The following FHOD1 variants were observed in gnomAD, a reference collection of about 807,000 sequenced individuals.
FHOD1 encodes FH1/FH2 domain-containing protein 1.
In FHOD1, 89 loss-of-function variants were observed where a neutral mutation model predicts 111.6. That is an observed-to-expected ratio of 0.80 (90% confidence interval 0.67 to 0.95). The LOEUF (loss-of-function observed/expected upper bound fraction) is 0.95, where lower values mean the gene tolerates loss of function less well. FHOD1 is among the 40% of genes least tolerant of loss of function. FHOD1 has a pLI of 0.00. For synonymous variants in FHOD1, 618 were observed against 639.0 expected, an observed-to-expected ratio of 0.97 and a Z score of 0.50; for missense variants, 1,446 against 1,554.2, an observed-to-expected ratio of 0.93 and a Z score of 1.17.
chr16:67,242,232 G>T (rs2034687432), intron 1 of FHOD1, among the ~76,000 whole-genome samples: 1 of 152,202 alleles, frequency 6.6e-6, no homozygotes, highest in African/African-American at 2.4e-5. Context: ...GCCTCTCAAA[G>T]TGCTGGGATT....
At position 67,229,647 on chromosome 16, in the gene FHOD1, G is replaced by T. The variant is rs1722477872; in HGVS notation, c.3484C>A (p.Leu1162Met). 3 of 1,614,108 alleles carry T rather than the reference G, an allele frequency of 1.9e-6. No homozygotes were observed. Among genetic ancestry groups the T allele is most frequent in the Non-Finnish European group, 2.5e-6 (3 of 1,179,958 alleles). Residue 1162 changes from leucine (L) to methionine (M), a missense_variant, in exon 22 of 22, where the codon CTG becomes ATG. Transcript: ENST00000258201. ...QALGLSKGPG[L>M]EV The stretch of plus-strand genomic sequence containing the variant: ...GGGATACAGCACCTTCACACCTCCA[G>T]GCCAGGACCCTTGCTTAGTCCCAGT...
At chr16:67,240,191 G>A (rs995625158) in intron 1 of FHOD1, among the ~76,000 whole-genome samples, 2 of 152,092 alleles carry the variant, frequency 1.3e-5, no homozygotes, top group African/African-American at 4.8e-5. Context: ...CAGTTACAAT[G>A]GTCCTAGCTG....
rs755811201 is a variant in FHOD1 at position 67,234,022 on chromosome 16, C to G, written c.1681G>C (p.Glu561Gln). 2.5e-6 allele frequency: 4 copies of G among 1,613,598 alleles called. No individual in the cohort carries two copies. The highest frequency in any genetic ancestry group is 1.3e-5 in the African/African-American group (1 of 74,880). Residue 561 changes from glutamate to glutamine, a missense_variant, in exon 13 of 22, where the codon GAG becomes CAG. By Grantham distance (29) the Glu-to-Gln change is conservative. This residue lies in a region of FHOD1 where 1,085 missense variants were observed against 1,108.8 expected (regional missense o/e 0.98). Transcript: ENST00000258201. ...ATGTCTTTCCCAGCCTCCACAGACTCTACATTCAGCATGTCCTGGTCTTCA... is the reference window on the plus strand; with the variant it reads ...ATGTCTTTCCCAGCCTCCACAGACTGTACATTCAGCATGTCCTGGTCTTCA... ...EDEDQDMLNV[E>Q]SVEAGKDIPA... is the part of the protein sequence containing the mutation.
At chr16:67,244,157 G>A (rs1282524155) in intron 1 of FHOD1, among the ~76,000 whole-genome samples, 1 of 152,102 alleles carries the variant, frequency 6.6e-6, no homozygotes, top group East Asian at 1.9e-4. Context: ...AGGAGGAGAG[G>A]GCTTTCCTGG....
Position 67,247,245 on chromosome 16 carries a change from G to C in FHOD1, c.166C>G (p.Pro56Ala). ...DGALPLGAQI[P>A]AVHRLLGAPL... ...GCTCCCAGCAGGCGGTGCACCGCGGGTATCTGCGCGCCCAAGGGCAGCGCC... is the reference window on the plus strand; with the variant it reads ...GCTCCCAGCAGGCGGTGCACCGCGGCTATCTGCGCGCCCAAGGGCAGCGCC... Residue 56 changes from proline to alanine, a missense_variant, in exon 1 of 22, where the codon CCC becomes GCC. By Grantham distance (27) the Pro-to-Ala change is conservative. Coordinates refer to ENST00000258201, the MANE Select transcript of FHOD1 (RefSeq NM_013241.3). 1.2e-5 allele frequency: 19 copies of C among 1,606,320 alleles called. No individual in the cohort carries two copies. The highest frequency in any genetic ancestry group is 1.5e-5 in the Non-Finnish European group (18 of 1,177,194).
intron 11 of FHOD1, 165 bp from the exon 12 acceptor site, chr16:67,234,637 C>T: frequency 1.7e-6 from 1 of 594,786 alleles, no homozygotes; most frequent in Admixed American, 2.7e-5. Flanking sequence ...CAAGGCCAGC[C>T]CCTCTTCAGT....
In FHOD1 at chr16:67,238,227, G is replaced by T. The variant is rs1423944782; in HGVS notation, c.522C>A (p.His174Gln). Residue 174 changes from histidine (H) to glutamine (Q), a missense_variant, in exon 5 of 22, where the codon CAC becomes CAA. This residue lies in a region of FHOD1 where 234 missense variants were observed against 327.4 expected (regional missense o/e 0.71). Transcript: ENST00000258201. This position sits in a 1 kb window ranked among gnomAD's most constrained non-coding sequence, Gnocchi z 4.2. ...CTCTAAGGATGTAGCTCTGGTAGTT[G>T]TGGTCGGCAGCAGCACCCACACGGA... ...CLIRVGAAADHNYQSYILRAL... is the reference protein window; with the variant it reads ...CLIRVGAAADQNYQSYILRAL... The T allele has an allele frequency of 6.2e-7, 1 of 1,614,196 alleles. No homozygotes were observed.
rs377199978 is a variant in FHOD1, at chr16:67,242,265, G to A, written c.202-2811C>T. ...ATTGTAGGTGTGAGCCACTGTGCCC[G>A]GCCAATGGTCCACATTCTCTAGCCT... On this transcript the variant is annotated intron_variant, in intron 1 of 21. Transcript: ENST00000258201. Among the ~76,000 whole-genome samples, 382 of 152,236 alleles carry A rather than the reference G, an allele frequency of 2.5e-3. 1 individual carries two copies. Among genetic ancestry groups the A allele is most frequent in the African/African-American group, 8.8e-3 (365 of 41,540 alleles).
rs868071545 is a variant in FHOD1, at chr16:67,239,433, C to T, written c.223G>A (p.Val75Met). ...PLKLEDCALQVSPSGYYLDTE... is the reference protein window; with the variant it reads ...PLKLEDCALQMSPSGYYLDTE... ...TCCAGGTAGTATCCGGAGGGAGACA[C>T]TTGCAGAGCACAATCCTCCAACTGG... The change falls in exon 2 of 22, where the codon GTG becomes ATG. Residue 75 changes from valine to methionine, a missense_variant. Around this residue, in one of 3 missense-constraint regions of FHOD1, gnomAD observed 127 missense variants for 118.0 expected, o/e 1.08. Coordinates refer to ENST00000258201, the MANE Select transcript of FHOD1 (RefSeq NM_013241.3). 1.2e-6 allele frequency: 2 copies of T among 1,614,124 alleles called. No homozygotes were observed. The highest frequency in any genetic ancestry group is 3.3e-4 in the Middle Eastern group (2 of 6,062).
At position 67,233,686 on chromosome 16, in the gene FHOD1, A is replaced by T; in HGVS notation, c.2017T>A (p.Ser673Thr). Residue 673 changes from serine to threonine, a missense_variant, in exon 13 of 22, where the codon TCT becomes ACT. Transcript: ENST00000258201. Reference protein sequence around the residue: ...DTARLEHLFESRAKEVLPSKK... With the variant: ...DTARLEHLFETRAKEVLPSKK... ...GAGGGCAGCACCTCTTTGGCACGAG[A>T]CTCAAAGAGGTGTTCCAGTCGGGCC... The T allele has an allele frequency of 1.2e-6, 2 of 1,602,106 alleles. No individual in the cohort carries two copies. The highest frequency in any genetic ancestry group is 1.7e-6 in the Non-Finnish European group (2 of 1,170,782).
rs781091631 is a variant in FHOD1, at chr16:67,233,951, G to C, written c.1752C>G (p.Pro584=). 9.6e-5 allele frequency: 153 copies of C among 1,597,332 alleles called. 1 individual carries two copies. The East Asian group carries it at 3.3e-3, about 34-fold the overall frequency. ...GTGGGGGAGGTGGAAGTGGGGGAGG[G>C]GGGGGTACTCCCGAGAGCAGGGGCA... ...PPLPLLSGVP[P]PPPLPPPPPI... is the part of the protein sequence containing the mutation. Residue 584 remains proline (P), a synonymous_variant, in exon 13 of 22, where the codon CCC becomes CCG. Transcript: ENST00000258201.
chr16:67,241,114 A>ACC (rs1186229148), intron 1 of FHOD1, among the ~76,000 whole-genome samples: 1,810 of 83,010 alleles, frequency 0.022, 58 homozygotes, highest in African/African-American at 0.053. Context: ...CCCTTGGATG[A>ACC]CCCCCCCCCC....
Position 67,238,585 on chromosome 16 carries a change from C to G in FHOD1, c.374-138G>C. On this transcript the variant is annotated intron_variant, in intron 3 of 21. Coordinates refer to ENST00000258201, the MANE Select transcript of FHOD1 (RefSeq NM_013241.3). This position sits in a 1 kb window ranked among gnomAD's most constrained non-coding sequence, Gnocchi z 4.2. ...TGAGAGACAGGGTCTCACTCTGTCA[C>G]TCAGGCTGGAGTGTGGAGTGCAGTG... 1.1e-6 allele frequency: 1 copy of G among 872,806 alleles called. No individual in the cohort carries two copies. The highest frequency in any genetic ancestry group is 1.8e-6 in the Non-Finnish European group (1 of 542,142). 54.1% of individuals were successfully genotyped at this position (872,806 alleles called of 1,614,324 possible). A position where few individuals can be genotyped will look rare whatever the true frequency, so the allele number is the denominator to read the frequency against.
chr16:67,239,953 C>T (rs2034619968), intron 1 of FHOD1, among the ~76,000 whole-genome samples: 1 of 152,198 alleles, frequency 6.6e-6, no homozygotes, highest in Admixed American at 6.5e-5. Context: ...GGAGGAAGTT[C>T]CTGCCTTCGA....
At chr16:67,232,258 C>T in intron 13 of FHOD1, 64 bp from the exon 14 acceptor site, 1 of 1,567,084 alleles carries the variant, frequency 6.4e-7, no homozygotes, top group Non-Finnish European at 8.7e-7. Context: ...TGGCTCACGC[C>T]TGTAATCCCA....
chr16:67,238,033 C>T lies in FHOD1; in HGVS notation c.642+1G>A. The T allele has an allele frequency of 6.2e-7, 1 of 1,613,782 alleles. No homozygotes were observed. Among genetic ancestry groups the T allele is most frequent in the East Asian group, 2.2e-5 (1 of 44,886 alleles). ...ATAAGGCTGAGTGGAGAGCCACTTA[C>T]CAGGCTGGCACACAATGTGTACAGC... On this transcript the variant is annotated splice_donor_variant, in intron 6 of 21. Transcript: ENST00000258201. LOFTEE classifies it high-confidence loss of function. This position sits in a 1 kb window ranked among gnomAD's most constrained non-coding sequence, Gnocchi z 4.2.
chr16:67,236,188 G>A (rs2034467673), intron 11 of FHOD1: 1 of 424,008 alleles, frequency 2.4e-6, no homozygotes, highest in Non-Finnish European at 3.2e-6. Context: ...GTGGGAAGTG[G>A]GGGAAGGTAT....
intron 1 of FHOD1, 62 bp downstream of exon 1, chr16:67,247,148 C>T (rs1201208532): frequency 2.8e-5 from 40 of 1,449,562 alleles, no homozygotes; most frequent in Non-Finnish European, 3.5e-5. Context: ...CACCTCCCAC[C>T]AGTTTTCATG....
At chr16:67,230,910 C>T in intron 17 of FHOD1, 119 bp from the exon 18 acceptor site, 4 of 1,116,900 alleles carry the variant, frequency 3.6e-6, no homozygotes, top group Non-Finnish European at 5.1e-6. Flanking sequence ...ACATCCAAAT[C>T]TCATAGACTA....
Sources: allele counts gnomAD v4.1 joint callset (sites outside exome capture counted in the v4.1 genomes callset), GRCh38; gene constraint gnomAD v4.1.1; regional missense constraint gnomAD v4.1.1; non-coding constraint Gnocchi (gnomAD v3.1); transcripts MANE v1.5; gene names NCBI Gene and HGNC (gene_info 2026-07-23, HGNC 2026-07-21).